Variants in ADK observed in about 807,000 individuals in gnomAD.
The protein encoded by ADK is N6,N6-dimethyladenosine kinase.
ADK carries 24 observed loss-of-function variants against 44.7 expected under a neutral mutation model. That is an observed-to-expected ratio of 0.54 (90% CI 0.39 to 0.76). The LOEUF is 0.76. ADK is among the 30% of genes least tolerant of loss of function. The probability of loss-of-function intolerance (pLI) is 0.00; values close to 1 mark genes in which losing one functional copy is unlikely to be tolerated. For synonymous variants in ADK, 128 were observed against 142.6 expected (o/e 0.90, Z 0.73); for missense variants, 321 against 425.1 (o/e 0.76, Z 2.15).
intron 4 of ADK, among the ~76,000 whole-genome samples, chr10:74,333,332 C>T (rs1274149647): frequency 2.0e-5 from 3 of 152,052 alleles, no homozygotes; most frequent in African/African-American, 7.2e-5. Flanking sequence ...GTATGTTGTA[C>T]TTTATTTAGA....
At chr10:74,282,804 G>A (rs1042669569) in intron 3 of ADK, among the ~76,000 whole-genome samples, 1 of 152,102 alleles carries the variant, frequency 6.6e-6, no homozygotes, top group Non-Finnish European at 1.5e-5. Context: ...TATGAAATGA[G>A]CATTGTTTAG....
chr10:74,447,179 T>C (rs1466110139), intron 6 of ADK, among the ~76,000 whole-genome samples: 1 of 152,050 alleles, frequency 6.6e-6, no homozygotes, highest in Non-Finnish European at 1.5e-5. Flanking sequence ...CAGAAAAGAA[T>C]TGAAAACCCC....
chr10:74,354,836 A>C (rs1842082048), intron 4 of ADK, among the ~76,000 whole-genome samples: 1 of 152,240 alleles, frequency 6.6e-6, no homozygotes, highest in Non-Finnish European at 1.5e-5. Flanking sequence ...AAGATCAATT[A>C]GCACTTATAT....
intron 10 of ADK, among the ~76,000 whole-genome samples, chr10:74,698,467 C>T (rs1475822995): frequency 2.0e-5 from 3 of 152,246 alleles, no homozygotes; most frequent in Non-Finnish European, 4.4e-5. Context: ...TCTTATTAAA[C>T]ATACATTCAA....
At position 74,596,846 on chromosome 10, in the gene ADK, C is replaced by T. The variant is rs139419193; in HGVS notation, c.763-3533C>T. 3.1e-3 allele frequency among the ~76,000 whole-genome samples: 477 copies of T among 152,310 alleles called. 1 individual carries two copies. The highest frequency in any genetic ancestry group is 0.01 in the African/African-American group (436 of 41,572). ...ACAGGCATGAGCCACCACGCCTTAC[C>T]TTAATGAATACTTTAGAGCTTTATA... is the stretch of plus-strand genomic sequence containing the variant. On this transcript the variant is annotated intron_variant, in intron 8 of 10. Coordinates refer to ENST00000539909, the MANE Select transcript of ADK (RefSeq NM_006721.4).
chr10:74,463,347 C>T (rs1846236838), intron 6 of ADK, among the ~76,000 whole-genome samples: 1 of 152,136 alleles, frequency 6.6e-6, no homozygotes, highest in Non-Finnish European at 1.5e-5. Flanking sequence ...GAGCTCTGAA[C>T]TTGTTTTCCT....
At chr10:74,272,691 CAT>C (rs766534952) in intron 3 of ADK, among the ~76,000 whole-genome samples, 1 of 152,212 alleles carries the variant, frequency 6.6e-6, no homozygotes, top group East Asian at 1.9e-4. Context: ...AATTATAAGA[CAT>C]ATGTGTTTAA....
At chr10:74,457,901 A>G (rs1420198801) in intron 6 of ADK, among the ~76,000 whole-genome samples, 1 of 152,126 alleles carries the variant, frequency 6.6e-6, no homozygotes, top group Admixed American at 6.5e-5. Context: ...TAGCATTAGG[A>G]GAAATACCTA....
intron 9 of ADK, among the ~76,000 whole-genome samples, chr10:74,621,629 G>T (rs1374730355): frequency 6.6e-6 from 1 of 152,066 alleles, no homozygotes; most frequent in Non-Finnish European, 1.5e-5. Context: ...TTTTGATAAG[G>T]GTTGTATTGA....
chr10:74,481,655 A>G (rs1589155081), intron 6 of ADK, among the ~76,000 whole-genome samples: 1 of 151,798 alleles, frequency 6.6e-6, no homozygotes, highest in South Asian at 2.1e-4. Context: ...ATTACTATAT[A>G]TTTCTGTTAA....
intron 7 of ADK, among the ~76,000 whole-genome samples, chr10:74,570,126 G>T (rs1850888687): frequency 6.6e-6 from 1 of 151,826 alleles, no homozygotes; most frequent in African/African-American, 2.4e-5. Context: ...CTGTTCCATT[G>T]ATCTATATCT....
intron 3 of ADK, among the ~76,000 whole-genome samples, chr10:74,284,251 C>T (rs575615151): frequency 8.0e-4 from 120 of 150,704 alleles, no homozygotes; most frequent in Non-Finnish European, 1.2e-3. Flanking sequence ...TGAGCCACCA[C>T]GCCTGGCAAA....
rs538011971 is a variant in ADK, at chr10:74,571,888, T to G, written c.727-17394T>G. Among the ~76,000 whole-genome samples, 128 of 152,350 alleles carry G rather than the reference T, an allele frequency of 8.4e-4. No homozygotes were observed. In the South Asian group the frequency reaches 0.011, roughly 14 times the overall value. ...TTAATTGTGATGTTAGTTTTGAGCC[T>G]ATGTGTGTCTCTGCACGTGAGATGG... is the stretch of plus-strand genomic sequence containing the variant. On this transcript the variant is annotated intron_variant, in intron 7 of 10. Coordinates refer to ENST00000539909, the MANE Select transcript of ADK (RefSeq NM_006721.4).
At chr10:74,516,412 C>A (rs1487630829) in intron 6 of ADK, among the ~76,000 whole-genome samples, 1 of 152,160 alleles carries the variant, frequency 6.6e-6, no homozygotes, top group African/African-American at 2.4e-5. Context: ...CAAATCTTAG[C>A]TGTTTGTTTG....
intron 10 of ADK, among the ~76,000 whole-genome samples, chr10:74,692,380 G>C (rs992282185): frequency 2.0e-5 from 3 of 152,194 alleles, no homozygotes; most frequent in African/African-American, 7.2e-5. Context: ...TTGGGAGACT[G>C]AGGCAGGAGA....
At chr10:74,511,075 A>G (rs898317444) in intron 6 of ADK, among the ~76,000 whole-genome samples, 4 of 152,190 alleles carry the variant, frequency 2.6e-5, no homozygotes, top group African/African-American at 9.7e-5. Flanking sequence ...ATTCTTCTGC[A>G]TATGGCTATC....
chr10:74,353,066 A>G (rs755803981), intron 4 of ADK, among the ~76,000 whole-genome samples: 109 of 152,246 alleles, frequency 7.2e-4, no homozygotes, highest in Non-Finnish European at 5.6e-4. Context: ...ATTACTGGGT[A>G]TGTACCCAAG....
intron 3 of ADK, among the ~76,000 whole-genome samples, chr10:74,275,168 C>G (rs566805613): frequency 6.6e-6 from 1 of 152,186 alleles, no homozygotes; most frequent in African/African-American, 2.4e-5. Flanking sequence ...ATCATGACTT[C>G]CAGCTTCTTC....
At chr10:74,280,237 G>A (rs960467349) in intron 3 of ADK, among the ~76,000 whole-genome samples, 1 of 151,848 alleles carries the variant, frequency 6.6e-6, no homozygotes, top group African/African-American at 2.4e-5. Flanking sequence ...CAAGTAGCTG[G>A]GACTACAGGC....
Sources: allele counts gnomAD v4.1 joint callset (sites outside exome capture counted in the v4.1 genomes callset), GRCh38; gene constraint gnomAD v4.1.1; transcripts MANE v1.5; gene names NCBI Gene and HGNC (gene_info 2026-07-23, HGNC 2026-07-21).